Variants in MIA2 observed in about 807,000 individuals in gnomAD.
MIA2 encodes MIA SH3 domain ER export factor 2, also known as melanoma inhibitory activity protein 2.
In MIA2, 127 loss-of-function variants were observed where a neutral mutation model predicts 167.8. That is an observed-to-expected ratio of 0.76 (90% CI 0.66 to 0.88). MIA2 has a LOEUF of 0.88. Among genes scored for constraint, MIA2 ranks in the 40% least tolerant of loss-of-function variants. The probability of loss-of-function intolerance (pLI) is 0.00; values close to 1 mark genes in which losing one functional copy is unlikely to be tolerated. For synonymous variants in MIA2, 552 were observed against 541.9 expected, an observed-to-expected ratio of 1.02 and a Z score of -0.26; for missense variants, 1,690 against 1,624.7, an observed-to-expected ratio of 1.04 and a Z score of -0.69.
In MIA2 at chr14:39,277,775, TA is replaced by T. The variant is rs1411580721; in HGVS notation, c.2019+711del. On this transcript the variant is annotated intron_variant, in intron 7 of 28. Coordinates refer to ENST00000640607, the MANE Select transcript of MIA2 (RefSeq NM_001329214.4). ...ATATATATATATATATATATATATA[TA>T]TATATTTATATTTAAAGAGATGGGG... is the stretch of plus-strand genomic sequence containing the variant. Among the ~76,000 whole-genome samples, 8 of 59,718 alleles carry T rather than the reference TA, an allele frequency of 1.3e-4. 1 individual carries two copies. The highest frequency in any genetic ancestry group is 8.8e-3 in the Middle Eastern group (1 of 114). 39.2% of individuals were successfully genotyped at this position (59,718 alleles called of 152,430 possible).
chr14:39,308,300 G>A (rs752589292), intron 17 of MIA2, 149 bp from the exon 18 acceptor site: 178 of 497,776 alleles, frequency 3.6e-4, no homozygotes, highest in Non-Finnish European at 5.2e-4. Flanking sequence ...AAGCATTTAG[G>A]TAAACAGAAT....
intron 23 of MIA2, among the ~76,000 whole-genome samples, chr14:39,359,728 C>T (rs559857694): frequency 6.6e-6 from 1 of 152,242 alleles, no homozygotes; most frequent in East Asian, 1.9e-4. Flanking sequence ...ATTCTTGTGT[C>T]CATTGATAGA....
At chr14:39,296,997 G>A (rs1423574977) in intron 13 of MIA2, among the ~76,000 whole-genome samples, 1 of 149,092 alleles carries the variant, frequency 6.7e-6, no homozygotes, top group East Asian at 2.0e-4. Flanking sequence ...GGCTGGTCTT[G>A]AACTCCTGAC....
intron 23 of MIA2, among the ~76,000 whole-genome samples, chr14:39,378,660 G>T (rs146436840): frequency 2.2e-3 from 340 of 152,188 alleles, no homozygotes; most frequent in African/African-American, 7.7e-3. Context: ...AGAATCACAG[G>T]AATCTCTTAT....
At chr14:39,341,261 C>T (rs544685256) in intron 25 of MIA2, among the ~76,000 whole-genome samples, 43 of 151,432 alleles carry the variant, frequency 2.8e-4, no homozygotes, top group South Asian at 1.0e-3. Context: ...GAGACCGCAC[C>T]GTTGCACTCC....
intron 25 of MIA2, among the ~76,000 whole-genome samples, chr14:39,332,151 G>T (rs8012235): frequency 0.93 from 141,512 of 152,258 alleles, 65,869 homozygotes; most frequent in African/African-American, 0.96. Flanking sequence ...TTTTATTCTT[G>T]TTTCTCTAAT....
intron 4 of MIA2, among the ~76,000 whole-genome samples, chr14:39,248,447 T>A (rs996305472): frequency 6.6e-6 from 1 of 152,056 alleles, no homozygotes; most frequent in African/African-American, 2.4e-5. Flanking sequence ...TAAGGCATTT[T>A]TTTTTTTTGA....
chr14:39,351,683 A>C (rs2074388113), downstream of MIA2, among the ~76,000 whole-genome samples: 1 of 100,806 alleles, frequency 9.9e-6, no homozygotes. Flanking sequence ...TGCAGCAAGA[A>C]GGTTCCATCT....
chr14:39,307,396 T>A (rs1234084325), intron 17 of MIA2, among the ~76,000 whole-genome samples: 5 of 120,798 alleles, frequency 4.1e-5, no homozygotes, highest in African/African-American at 1.9e-4. Context: ...AAGAATTTTT[T>A]TTTTTTTTTT....
At chr14:39,265,024 A>G (rs536250313) in intron 6 of MIA2, among the ~76,000 whole-genome samples, 14 of 152,286 alleles carry the variant, frequency 9.2e-5, no homozygotes, top group Non-Finnish European at 1.6e-4. Flanking sequence ...CTCTATATGA[A>G]TAGGCTATAG....
At chr14:39,269,829 C>A (rs1202763559) in intron 6 of MIA2, among the ~76,000 whole-genome samples, 2 of 152,082 alleles carry the variant, frequency 1.3e-5, no homozygotes, top group Admixed American at 6.6e-5. Flanking sequence ...CCCTTCATTT[C>A]TTTTTATGGT....
intron 25 of MIA2, among the ~76,000 whole-genome samples, chr14:39,338,818 C>G (rs1433390145): frequency 1.3e-5 from 2 of 152,186 alleles, no homozygotes; most frequent in Admixed American, 6.5e-5. Flanking sequence ...CCATGTAATT[C>G]TTTTGCCAGG....
chr14:39,326,847 T>G lies in MIA2; in HGVS notation c.3497-17T>G. 1 of 1,562,402 alleles carries G rather than the reference T, an allele frequency of 6.4e-7. No individual in the cohort carries two copies. Among genetic ancestry groups the G allele is most frequent in the Non-Finnish European group, 8.6e-7 (1 of 1,162,596 alleles). ...TTAAGATGAAACAGATTTGTATGTTTTTTTTTCTTTAATTAGGCTCACGAG... is the reference window on the plus strand; with the variant it reads ...TTAAGATGAAACAGATTTGTATGTTGTTTTTTCTTTAATTAGGCTCACGAG... On this transcript the variant is annotated splice_polypyrimidine_tract_variant and intron_variant, in intron 24 of 28. Transcript: ENST00000640607.
At position 39,313,894 on chromosome 14, in the gene MIA2, C is replaced by T. The variant is rs117431559; in HGVS notation, c.3119+453C>T. Among the ~76,000 whole-genome samples the T allele has an allele frequency of 2.6e-3, 397 of 152,132 alleles. 3 individuals are homozygous for T. Among genetic ancestry groups the T allele is most frequent in the South Asian group, 0.01 (50 of 4,820 alleles). ...AATCTAGATTTTACCTTGGTTTGAT[C>T]CTTACTAGATCCCAGGAAATAGAAA... On this transcript the variant is annotated intron_variant, in intron 19 of 28. Transcript: ENST00000640607.
intron 6 of MIA2, among the ~76,000 whole-genome samples, chr14:39,264,945 C>T (rs2055371629): frequency 6.6e-6 from 1 of 151,952 alleles, no homozygotes; most frequent in Non-Finnish European, 1.5e-5. Flanking sequence ...CTATATAAGA[C>T]CAAAAAATTC....
chr14:39,312,417 TGTA>T (rs2064482569), intron 18 of MIA2, among the ~76,000 whole-genome samples: 1 of 152,258 alleles, frequency 6.6e-6, no homozygotes, highest in South Asian at 2.1e-4. Context: ...CAATAGGTAA[TGTA>T]GTGTGTAGAA....
intron 23 of MIA2, among the ~76,000 whole-genome samples, chr14:39,357,064 A>G (rs1359821175): frequency 6.6e-6 from 1 of 152,232 alleles, no homozygotes; most frequent in Non-Finnish European, 1.5e-5. Context: ...GATATCTATT[A>G]GGTCCACTTG....
At chr14:39,295,650 C>T (rs949196028) in intron 13 of MIA2, among the ~76,000 whole-genome samples, 9 of 152,082 alleles carry the variant, frequency 5.9e-5, no homozygotes. Flanking sequence ...ACCTCTGCCT[C>T]CCAGGTTCAA....
At chr14:39,269,108 C>T (rs923012152) in intron 6 of MIA2, 10 of 648,880 alleles carry the variant, frequency 1.5e-5, no homozygotes, top group East Asian at 3.7e-4. Flanking sequence ...TTGCTAAATG[C>T]GAGTACCCTG....
Sources: allele counts gnomAD v4.1 joint callset (sites outside exome capture counted in the v4.1 genomes callset), GRCh38; gene constraint gnomAD v4.1.1; transcripts MANE v1.5; gene names NCBI Gene and HGNC (gene_info 2026-07-23, HGNC 2026-07-21).